Variants in MAGI2 observed in about 807,000 individuals in gnomAD.
MAGI2 encodes membrane-associated guanylate kinase, WW and PDZ domain-containing protein 2.
MAGI2 carries 35 observed loss-of-function variants against 133.3 expected under a neutral mutation model. The observed-to-expected ratio is 0.26, with a 90% CI of 0.20 to 0.35. The LOEUF (loss-of-function observed/expected upper bound fraction) is 0.35. MAGI2 is among the 10% of genes least tolerant of loss of function. The pLI, the probability that MAGI2 is intolerant of heterozygous loss-of-function variation, is 1.00. For synonymous variants in MAGI2, 729 were observed against 710.6 expected (o/e 1.03, Z -0.41); for missense variants, 1,636 against 1,863.4 (o/e 0.88, Z 2.25).
At chr7:79,414,196 C>A (rs1486449277) in intron 1 of MAGI2, 2 of 152,088 alleles carry the variant, frequency 1.3e-5, no homozygotes. Flanking sequence ...TGATGCCTTG[C>A]AAATAATGAA....
intron 1 of MAGI2, among the ~76,000 whole-genome samples, chr7:79,104,782 TCTC>T (rs1416100879): frequency 6.6e-6 from 1 of 152,184 alleles, no homozygotes; most frequent in East Asian, 1.9e-4. Flanking sequence ...GAAAGGACCT[TCTC>T]CTGTTTCTTT....
intron 10 of MAGI2, among the ~76,000 whole-genome samples, chr7:78,230,434 T>G (rs1789846266): frequency 2.0e-5 from 3 of 152,232 alleles, no homozygotes; most frequent in African/African-American, 7.2e-5. Flanking sequence ...CATAGGTGTA[T>G]ACAAGTTTTA....
At chr7:78,442,318 G>T (rs73148327) in intron 6 of MAGI2, among the ~76,000 whole-genome samples, 1,904 of 152,214 alleles carry the variant, frequency 0.013, 24 homozygotes, top group Non-Finnish European at 0.019. Context: ...TGTCTTATAC[G>T]AATCATCATC....
chr7:79,178,511 AGAC>A lies in MAGI2; in HGVS notation c.302-171308_302-171306del, dbSNP rs545504394. ...TGGATCAACTGAGGTCAGGAGTTCG[AGAC>A]CAGCCTGACCAATATGGTGAAACCC... On this transcript the variant is annotated intron_variant, in intron 1 of 21. Coordinates refer to ENST00000354212, the MANE Select transcript of MAGI2 (RefSeq NM_012301.4). Among the ~76,000 whole-genome samples the A allele has an allele frequency of 9.2e-5, 14 of 151,986 alleles. No individual in the cohort carries two copies. The East Asian group carries it at 2.7e-3, about 29-fold the overall frequency.
intron 10 of MAGI2, among the ~76,000 whole-genome samples, chr7:78,216,481 G>A (rs963893592): frequency 6.6e-6 from 1 of 152,218 alleles, no homozygotes; most frequent in Non-Finnish European, 1.5e-5. Flanking sequence ...TAGGACCCTA[G>A]TCTGTTCCCC....
At chr7:78,509,619 C>T (rs1488845468) in intron 4 of MAGI2, among the ~76,000 whole-genome samples, 7 of 152,100 alleles carry the variant, frequency 4.6e-5, no homozygotes, top group African/African-American at 1.4e-4. Flanking sequence ...GCAGCCATTC[C>T]GTTTGCTTTC....
At chr7:78,669,332 A>T (rs1410280242) in intron 2 of MAGI2, among the ~76,000 whole-genome samples, 1 of 152,030 alleles carries the variant, frequency 6.6e-6, no homozygotes, top group Non-Finnish European at 1.5e-5. Flanking sequence ...AGAAATGGAT[A>T]AATTCCTCAA....
chr7:78,104,474 G>T (rs1818486244), intron 20 of MAGI2, among the ~76,000 whole-genome samples: 1 of 151,596 alleles, frequency 6.6e-6, no homozygotes, highest in Admixed American at 6.6e-5. Context: ...CGCCCGCCTC[G>T]GCCTCCCAAA....
chr7:78,445,285 A>G (rs749101014), intron 6 of MAGI2, among the ~76,000 whole-genome samples: 7 of 152,042 alleles, frequency 4.6e-5, no homozygotes, highest in Non-Finnish European at 1.0e-4. Flanking sequence ...ATTAGGAGCT[A>G]TTATATTTAT....
At chr7:79,314,300 G>C (rs1838534508) in intron 1 of MAGI2, among the ~76,000 whole-genome samples, 1 of 151,980 alleles carries the variant, frequency 6.6e-6, no homozygotes, top group Non-Finnish European at 1.5e-5. Context: ...GTAGAGACGG[G>C]GTTTCACCAT....
chr7:78,809,623 A>G (rs950503436), intron 2 of MAGI2, among the ~76,000 whole-genome samples: 5 of 151,260 alleles, frequency 3.3e-5, no homozygotes, highest in Admixed American at 3.3e-4. Flanking sequence ...TTGGTTTCCC[A>G]GTTGCCTTAC....
At chr7:78,954,784 T>C (rs1402585584) in intron 2 of MAGI2, among the ~76,000 whole-genome samples, 2 of 152,180 alleles carry the variant, frequency 1.3e-5, no homozygotes, top group Non-Finnish European at 2.9e-5. Flanking sequence ...GTTGTGATCA[T>C]TCTTTTTTTA....
intron 9 of MAGI2, among the ~76,000 whole-genome samples, chr7:78,276,207 A>G (rs1795041616): frequency 6.6e-6 from 1 of 152,212 alleles, no homozygotes. Context: ...TCAGCATAAA[A>G]TGCTTGAGTC....
chr7:79,211,288 T>A (rs1829474182), intron 1 of MAGI2, among the ~76,000 whole-genome samples: 1 of 151,934 alleles, frequency 6.6e-6, no homozygotes, highest in Admixed American at 6.6e-5. Flanking sequence ...TTTTATTTAT[T>A]TTTTTTAAGA....
At chr7:79,100,523 G>C (rs1817885602) in intron 1 of MAGI2, among the ~76,000 whole-genome samples, 1 of 151,148 alleles carries the variant, frequency 6.6e-6, no homozygotes, top group Admixed American at 6.6e-5. Context: ...TTTCTATTTT[G>C]TAACGTGTAT....
intron 6 of MAGI2, among the ~76,000 whole-genome samples, chr7:78,460,181 C>T (rs531958888): frequency 6.6e-6 from 1 of 152,320 alleles, no homozygotes; most frequent in South Asian, 2.1e-4. Flanking sequence ...GAAACAAATC[C>T]TATAACCATC....
rs553401791 is a variant in MAGI2 at position 78,946,492 on chromosome 7, A to T, written c.418+60598T>A. On this transcript the variant is annotated intron_variant, in intron 2 of 21. Transcript: ENST00000354212. ...TAAGTATCTGAATTATAATATTATG[A>T]TTGGATGGTACCTTATATAGAAAGC... Among the ~76,000 whole-genome samples, 35 of 152,328 alleles carry T rather than the reference A, an allele frequency of 2.3e-4. No homozygotes were observed. In the South Asian group the frequency reaches 6.6e-3, roughly 29 times the overall value.
At chr7:79,192,081 T>G (rs1438220724) in intron 1 of MAGI2, among the ~76,000 whole-genome samples, 1 of 151,926 alleles carries the variant, frequency 6.6e-6, no homozygotes, top group Non-Finnish European at 1.5e-5. Context: ...CATGATAGAA[T>G]AAGACCTGCA....
At chr7:79,342,575 T>C (rs777045456) in intron 1 of MAGI2, among the ~76,000 whole-genome samples, 1 of 152,144 alleles carries the variant, frequency 6.6e-6, no homozygotes, top group Admixed American at 6.6e-5. Flanking sequence ...TTCCAGAAAA[T>C]TTAGAATCAC....
Sources: gnomAD v4.1 joint callset for allele counts (sites outside exome capture counted in the v4.1 genomes callset) on GRCh38, gnomAD v4.1.1 for gene constraint, MANE v1.5 for transcripts, NCBI Gene and HGNC (gene_info 2026-07-23, HGNC 2026-07-21) for gene names.